Variants in SPTLC3 observed in about 807,000 individuals in gnomAD.
SPTLC3 encodes the protein serine palmitoyltransferase 3.
In SPTLC3, 36 loss-of-function variants were observed where a neutral mutation model predicts 59.3. That is an observed-to-expected ratio of 0.61 (90% CI 0.47 to 0.80). The LOEUF (loss-of-function observed/expected upper bound fraction) is 0.80, where lower values mean the gene tolerates loss of function less well. SPTLC3 is among the 30% of genes least tolerant of loss of function. SPTLC3 has a pLI of 0.00. For missense variants in SPTLC3, 625 were observed against 685.1 expected, an observed-to-expected ratio of 0.91 and a Z score of 0.98; for synonymous variants, 257 against 240.8, an observed-to-expected ratio of 1.07 and a Z score of -0.62.
intron 4 of SPTLC3, chr20:13,079,830 G>C: frequency 2.2e-6 from 1 of 462,340 alleles, no homozygotes. Flanking sequence ...GGGCCACCCT[G>C]GTCATGGAAA....
chr20:13,062,387 G>A (rs1988009727), intron 2 of SPTLC3, among the ~76,000 whole-genome samples: 2 of 152,126 alleles, frequency 1.3e-5, no homozygotes, highest in African/African-American at 4.8e-5. Context: ...TCAGATCATA[G>A]TCTCCCACAG....
At chr20:13,071,914 C>G (rs1195767614) in intron 2 of SPTLC3, among the ~76,000 whole-genome samples, 2 of 152,312 alleles carry the variant, frequency 1.3e-5, no homozygotes, top group East Asian at 3.9e-4. Context: ...GTTGAAATCA[C>G]ATGATCATCT....
intron 4 of SPTLC3, among the ~76,000 whole-genome samples, chr20:13,084,527 C>T (rs1285265786): frequency 6.6e-6 from 1 of 152,138 alleles, no homozygotes; most frequent in East Asian, 1.9e-4. Context: ...AAACTAAACT[C>T]TCAAGGTTCT....
chr20:13,066,688 T>C (rs1187211648), intron 2 of SPTLC3, among the ~76,000 whole-genome samples: 1 of 152,108 alleles, frequency 6.6e-6, no homozygotes, highest in Non-Finnish European at 1.5e-5. Context: ...CCTGATGAAC[T>C]CTTTATATCT....
chr20:13,068,773 C>A lies in SPTLC3; in HGVS notation c.304-3483C>A, dbSNP rs1988329327. On this transcript the variant is annotated intron_variant, in intron 2 of 11. Coordinates refer to ENST00000399002, the MANE Select transcript of SPTLC3 (RefSeq NM_018327.4). The stretch of plus-strand genomic sequence containing the variant: ...TTTAAAAAAAAAAAAACAACAACAA[C>A]AACACTAGCCCTTCCTTTTTGCAGG... Among the ~76,000 whole-genome samples the A allele has an allele frequency of 2.7e-5, 4 of 150,850 alleles. No homozygotes were observed. The South Asian group carries it at 8.4e-4, about 32-fold the overall frequency.
chr20:13,036,906 T>C (rs1362610775), intron 1 of SPTLC3, among the ~76,000 whole-genome samples: 5 of 152,152 alleles, frequency 3.3e-5, no homozygotes, highest in Admixed American at 2.6e-4. Flanking sequence ...GCCTCAAACG[T>C]GGGTAGATTG....
At chr20:13,017,548 T>A (rs1337123648) in intron 1 of SPTLC3, among the ~76,000 whole-genome samples, 1 of 152,234 alleles carries the variant, frequency 6.6e-6, no homozygotes, top group African/African-American at 2.4e-5. Context: ...GCAGGCTGCA[T>A]TTGGCCCAGG....
intron 9 of SPTLC3, among the ~76,000 whole-genome samples, chr20:13,153,555 T>C (rs2038697692): frequency 6.6e-6 from 1 of 152,038 alleles, no homozygotes; most frequent in South Asian, 2.1e-4. Flanking sequence ...GAGATTTAAA[T>C]GAGGGACAAT....
At chr20:13,062,728 A>C (rs1319941186) in intron 2 of SPTLC3, among the ~76,000 whole-genome samples, 2 of 152,126 alleles carry the variant, frequency 1.3e-5, no homozygotes, top group Non-Finnish European at 2.9e-5. Flanking sequence ...CACATCATAC[A>C]TCTTGTGTGA....
intron 9 of SPTLC3, among the ~76,000 whole-genome samples, chr20:13,151,871 G>C (rs1379670698): frequency 6.6e-6 from 1 of 152,074 alleles, no homozygotes; most frequent in Non-Finnish European, 1.5e-5. Flanking sequence ...CTAAAGTGAA[G>C]GGGGCCCTAG....
At chr20:13,079,416 T>C (rs1988761701) in intron 4 of SPTLC3, among the ~76,000 whole-genome samples, 1 of 152,174 alleles carries the variant, frequency 6.6e-6, no homozygotes, top group Admixed American at 6.5e-5. Flanking sequence ...CCTCACATAT[T>C]ACATGTAGGT....
chr20:13,049,004 C>G lies in SPTLC3; in HGVS notation c.177C>G (p.Pro59=). Residue 59 remains proline (P), a synonymous_variant, in exon 2 of 12, where the codon CCC becomes CCG. Transcript: ENST00000399002. ...KLIVESFEEA[P]LHVMVFTYMG... The stretch of plus-strand genomic sequence containing the variant: ...TTGTTGAATCGTTTGAGGAAGCACC[C>G]CTTCATGTTATGGTTTTCACTTACA... 1 of 1,607,672 alleles carries G rather than the reference C, an allele frequency of 6.2e-7. No homozygotes were observed.
intron 4 of SPTLC3, among the ~76,000 whole-genome samples, chr20:13,074,959 C>G (rs903996648): frequency 6.6e-6 from 1 of 152,126 alleles, no homozygotes; most frequent in Non-Finnish European, 1.5e-5. Context: ...GAGCAGCCTG[C>G]CTCTTTATTT....
chr20:13,135,871 G>T lies in SPTLC3; in HGVS notation c.1279+9154G>T, dbSNP rs544617066. Among the ~76,000 whole-genome samples the T allele has an allele frequency of 2.4e-3, 367 of 152,276 alleles. 2 individuals carry two copies. Among genetic ancestry groups the T allele is most frequent in the African/African-American group, 8.1e-3 (337 of 41,550 alleles). On this transcript the variant is annotated intron_variant, in intron 9 of 11. Coordinates refer to ENST00000399002, the MANE Select transcript of SPTLC3 (RefSeq NM_018327.4). ...GCTATTACCTCAGTGCCAGGCTGGT[G>T]GGATAATCACCAACTTTCTGAATCA...
chr20:13,011,790 T>C (rs575423395), intron 1 of SPTLC3, among the ~76,000 whole-genome samples: 1 of 152,178 alleles, frequency 6.6e-6, no homozygotes, highest in Non-Finnish European at 1.5e-5. Flanking sequence ...AAACTGGTTT[T>C]CATCACTGAC....
At chr20:13,099,012 C>T (rs924516469) in intron 6 of SPTLC3, among the ~76,000 whole-genome samples, 1 of 152,098 alleles carries the variant, frequency 6.6e-6, no homozygotes, top group African/African-American at 2.4e-5. Flanking sequence ...TAATGCTCAC[C>T]CTCCAAAGAC....
At chr20:13,142,076 C>T (rs887117271) in intron 9 of SPTLC3, among the ~76,000 whole-genome samples, 4 of 152,218 alleles carry the variant, frequency 2.6e-5, no homozygotes, top group Admixed American at 1.3e-4. Flanking sequence ...GTTCCAGAAC[C>T]TTCTGCCCCT....
intron 10 of SPTLC3, among the ~76,000 whole-genome samples, chr20:13,155,692 G>C (rs1053417525): frequency 2.0e-5 from 3 of 151,854 alleles, no homozygotes; most frequent in African/African-American, 4.8e-5. Context: ...CGGGCGTGGT[G>C]GTGGGTGCCT....
chr20:13,080,390 C>T (rs975153947), intron 4 of SPTLC3, among the ~76,000 whole-genome samples: 1 of 151,514 alleles, frequency 6.6e-6, no homozygotes, highest in Non-Finnish European at 1.5e-5. Flanking sequence ...CGCCTGTACT[C>T]CCTGCTACTT....
Sources: allele counts gnomAD v4.1 joint callset (sites outside exome capture counted in the v4.1 genomes callset), GRCh38; gene constraint gnomAD v4.1.1; transcripts MANE v1.5; gene names NCBI Gene and HGNC (gene_info 2026-07-23, HGNC 2026-07-21).